NRXN3: variants seen among roughly 807,000 people sequenced by gnomAD.
NRXN3 encodes the protein neurexin 3.
A neutral mutation model predicts 137.6 loss-of-function variants in NRXN3; 32 were observed. That is an observed-to-expected ratio of 0.23 (90% confidence interval 0.18 to 0.31). The LOEUF (loss-of-function observed/expected upper bound fraction) is 0.31, where lower values mean the gene tolerates loss of function less well. Among genes scored for constraint, NRXN3 ranks in the 10% least tolerant of loss-of-function variants. NRXN3 has a pLI of 1.00. For missense variants in NRXN3, 1,574 were observed against 2,062.5 expected, an observed-to-expected ratio of 0.76 and a Z score of 4.59; for synonymous variants, 798 against 784.5, an observed-to-expected ratio of 1.02 and a Z score of -0.29.
intron 14 of NRXN3, among the ~76,000 whole-genome samples, 178 bp downstream of exon 14, chr14:78,968,524 G>A (rs2099428337): frequency 6.6e-6 from 1 of 152,122 alleles, no homozygotes; most frequent in Admixed American, 6.5e-5. Flanking sequence ...CAAGACATGT[G>A]CCACAGGCTC....
At chr14:78,989,033 CA>C (rs1209829990) in intron 15 of NRXN3, among the ~76,000 whole-genome samples, 1 of 152,072 alleles carries the variant, frequency 6.6e-6, no homozygotes, top group East Asian at 1.9e-4. Context: ...TTGATGTGAC[CA>C]TAGTAAAGAT....
intron 15 of NRXN3, among the ~76,000 whole-genome samples, chr14:79,463,983 T>C (rs2096387958): frequency 6.6e-6 from 1 of 152,214 alleles, no homozygotes; most frequent in Non-Finnish European, 1.5e-5. Context: ...CTATGTTTCC[T>C]GTAGGACTCT....
chr14:78,660,351 A>G (rs761372633), intron 6 of NRXN3, among the ~76,000 whole-genome samples: 2 of 151,316 alleles, frequency 1.3e-5, no homozygotes, highest in Non-Finnish European at 2.9e-5. Flanking sequence ...TCTCAATCCA[A>G]TGATTCAGTG....
At chr14:78,278,468 T>C (rs978999142) in intron 2 of NRXN3, among the ~76,000 whole-genome samples, 177 bp from the exon 3 acceptor site, 2 of 152,162 alleles carry the variant, frequency 1.3e-5, no homozygotes, top group East Asian at 1.9e-4. Flanking sequence ...TGGGTGGTTT[T>C]TGGGTGAAGG....
At chr14:79,451,549 T>C (rs2096173514) in intron 15 of NRXN3, among the ~76,000 whole-genome samples, 1 of 152,204 alleles carries the variant, frequency 6.6e-6, no homozygotes, top group African/African-American at 2.4e-5. Context: ...AGAGGATCCC[T>C]TAGAGATAAT....
intron 19 of NRXN3, among the ~76,000 whole-genome samples, chr14:79,790,402 G>A (rs555207994): frequency 5.3e-4 from 80 of 152,128 alleles, no homozygotes; most frequent in African/African-American, 1.9e-3. Context: ...TCCCATGCTC[G>A]AGCAATCCTG....
intron 15 of NRXN3, among the ~76,000 whole-genome samples, chr14:79,174,457 T>C (rs2062095123): frequency 6.6e-6 from 1 of 150,580 alleles, no homozygotes; most frequent in African/African-American, 2.4e-5. Flanking sequence ...ACAGCTTTTT[T>C]TTAAAAAAGA....
intron 15 of NRXN3, among the ~76,000 whole-genome samples, chr14:79,049,059 AAAAAAAAAAAAAAAATAATAAT>A (rs2099637803): frequency 1.7e-5 from 1 of 59,250 alleles, no homozygotes; most frequent in Non-Finnish European, 3.4e-5. Context: ...AAAAAAAAAA[AAAAAAAAAAAAAAAATAATAAT>A]AATAATAATA....
At chr14:78,352,813 G>A (rs762444472) in intron 4 of NRXN3, among the ~76,000 whole-genome samples, 3 of 152,236 alleles carry the variant, frequency 2.0e-5, no homozygotes, top group Non-Finnish European at 4.4e-5. Context: ...CCCTTGAGGG[G>A]CTTGCTGTCA....
intron 8 of NRXN3, 89 bp downstream of exon 8, chr14:78,715,228 T>C: frequency 6.8e-7 from 1 of 1,464,128 alleles, no homozygotes. Flanking sequence ...CCTTCGCACC[T>C]ACCTGCACTT....
chr14:79,814,443 C>T (rs1429722385), intron 20 of NRXN3, among the ~76,000 whole-genome samples: 2 of 152,202 alleles, frequency 1.3e-5, no homozygotes, highest in Admixed American at 6.5e-5. Flanking sequence ...AACAAACTTT[C>T]AGTCACATTA....
At chr14:79,704,492 G>A (rs1270418891) in intron 19 of NRXN3, among the ~76,000 whole-genome samples, 1 of 152,022 alleles carries the variant, frequency 6.6e-6, no homozygotes, top group East Asian at 1.9e-4. Flanking sequence ...AATGAGATAA[G>A]GAATCTACAC....
intron 4 of NRXN3, among the ~76,000 whole-genome samples, chr14:78,573,862 G>C (rs187253666): frequency 1.4e-3 from 219 of 152,344 alleles, no homozygotes; most frequent in Non-Finnish European, 2.1e-3. Flanking sequence ...CACCAAGACA[G>C]TGGGGAAAAC....
chr14:78,232,773 A>T (rs1214852160), intron 1 of NRXN3, among the ~76,000 whole-genome samples: 7 of 152,094 alleles, frequency 4.6e-5, no homozygotes, highest in Non-Finnish European at 1.0e-4. Flanking sequence ...TATCTTCATT[A>T]TAAATTATTA....
At chr14:79,287,710 G>C (rs2082508307) in intron 15 of NRXN3, among the ~76,000 whole-genome samples, 1 of 152,152 alleles carries the variant, frequency 6.6e-6, no homozygotes, top group African/African-American at 2.4e-5. Flanking sequence ...GAGAGACATG[G>C]TCCTGATACA....
intron 16 of NRXN3, among the ~76,000 whole-genome samples, chr14:79,569,257 C>G (rs1271758163): frequency 6.6e-6 from 1 of 152,036 alleles, no homozygotes; most frequent in Non-Finnish European, 1.5e-5. Context: ...ACATTCTTGC[C>G]TTCCACAAGC....
Position 79,213,625 on chromosome 14 carries a change from T to TGG in NRXN3, c.3262+225492_3262+225493dup, listed in dbSNP as rs900441550. 3.7e-3 allele frequency among the ~76,000 whole-genome samples: 510 copies of TGG among 138,152 alleles called. 4 individuals are homozygous for TGG. The highest frequency in any genetic ancestry group is 0.012 in the African/African-American group (462 of 37,692). The allele number at this position is 138,152 out of a possible 152,430, so 90.6% of individuals were successfully genotyped here. ...CCTGTCTCCTCTCACCCTTTTTTTT[T>TGG]GGGGGGGGGTGGCGGGAACAAAACA... is the stretch of plus-strand genomic sequence containing the variant. On this transcript the variant is annotated intron_variant, in intron 15 of 20. Transcript: ENST00000335750.
intron 2 of NRXN3, among the ~76,000 whole-genome samples, chr14:78,272,012 A>G (rs2072837078): frequency 6.6e-6 from 1 of 152,208 alleles, no homozygotes; most frequent in Non-Finnish European, 1.5e-5. Flanking sequence ...CTTGAAGAAG[A>G]AGGGAAAACC....
chr14:79,023,557 C>T (rs1245047155), intron 15 of NRXN3, among the ~76,000 whole-genome samples: 1 of 151,958 alleles, frequency 6.6e-6, no homozygotes, highest in Non-Finnish European at 1.5e-5. Context: ...AAAGAAATAC[C>T]TGGGACTGGG....
Sources: gnomAD v4.1 joint callset for allele counts (sites outside exome capture counted in the v4.1 genomes callset) on GRCh38, gnomAD v4.1.1 for gene constraint, MANE v1.5 for transcripts, NCBI Gene and HGNC (gene_info 2026-07-23, HGNC 2026-07-21) for gene names.